The following MDGA2 variants were observed in gnomAD, a reference collection of about 807,000 sequenced individuals.
MDGA2 encodes the protein MAM domain-containing glycosylphosphatidylinositol anchor protein 2.
A neutral mutation model predicts 117.8 loss-of-function variants in MDGA2; 40 were observed. The ratio of observed to expected loss-of-function variants is 0.34; its 90% CI spans 0.26 to 0.44. The LOEUF (loss-of-function observed/expected upper bound fraction) is 0.44. MDGA2 is among the 20% of genes least tolerant of loss of function. The pLI is 1.00. For missense variants in MDGA2, 1,123 were observed against 1,250.6 expected (o/e 0.90, Z 1.54); for synonymous variants, 452 against 439.0 (o/e 1.03, Z -0.37).
chr14:47,456,130 AAGGAAAGGAGG>A (rs1444912806), intron 1 of MDGA2, among the ~76,000 whole-genome samples: 2 of 152,166 alleles, frequency 1.3e-5, no homozygotes, highest in Admixed American at 1.3e-4. Context: ...TAAGTGAAAG[AAGGAAAGGAGG>A]GAAGGACAAG....
chr14:47,211,701 G>C (rs551358303), intron 3 of MDGA2, among the ~76,000 whole-genome samples: 2 of 152,056 alleles, frequency 1.3e-5, no homozygotes, highest in Non-Finnish European at 2.9e-5. Context: ...AAGGAGTTCC[G>C]AACCCAAGCT....
rs964935547 is a variant in MDGA2 at position 46,855,627 on chromosome 14, A to G, written c.2753-473T>C. Reference sequence around the variant, plus strand: ...AAGGGCTTCTTTCCTGGAGCTTCAGAAGAAGTCAGCCCTGCTGACATCTTG... The same window carrying G: ...AAGGGCTTCTTTCCTGGAGCTTCAGGAGAAGTCAGCCCTGCTGACATCTTG... On this transcript the variant is annotated intron_variant, in intron 14 of 16. Transcript: ENST00000399232. The surrounding 1 kb of genome is among the most constrained non-coding windows in gnomAD (Gnocchi z 4.1). Among the ~76,000 whole-genome samples the G allele has an allele frequency of 2.6e-5, 4 of 152,158 alleles. No homozygotes were observed. The highest frequency in any genetic ancestry group is 4.4e-5 in the Non-Finnish European group (3 of 68,034).
intron 10 of MDGA2, among the ~76,000 whole-genome samples, chr14:46,897,916 A>G (rs1883143919): frequency 2.0e-5 from 3 of 152,130 alleles, no homozygotes; most frequent in African/African-American, 7.2e-5. Context: ...AATGATAGAT[A>G]GATCCTAATT....
At position 46,885,751 on chromosome 14, in the gene MDGA2, A is replaced by T. The variant is rs186932149; in HGVS notation, c.2239-3530T>A. On this transcript the variant is annotated intron_variant, in intron 10 of 16. Coordinates refer to ENST00000399232, the MANE Select transcript of MDGA2 (RefSeq NM_001113498.3). ...GAGAAAATGACTCATGACTCAGCAT[A>T]AATCCCAAGCTTTATTTTAGCATTG... 5.4e-3 allele frequency among the ~76,000 whole-genome samples: 817 copies of T among 152,272 alleles called. 7 individuals carry two copies. The highest frequency in any genetic ancestry group is 0.019 in the African/African-American group (780 of 41,560).
Position 47,042,344 on chromosome 14 carries a change from T to A in MDGA2, c.1526-7040A>T, listed in dbSNP as rs1328237136. 2.0e-5 allele frequency among the ~76,000 whole-genome samples: 3 copies of A among 149,774 alleles called. No homozygotes were observed. In the East Asian group the frequency reaches 5.9e-4, roughly 29 times the overall value. The stretch of plus-strand genomic sequence containing the variant: ...TTTTTTTTTTGTGTGTGTGTGTGTG[T>A]GTATGCACACGCATGCAGGTGCGTG... On this transcript the variant is annotated intron_variant, in intron 7 of 16. Coordinates refer to ENST00000399232, the MANE Select transcript of MDGA2 (RefSeq NM_001113498.3).
chr14:46,930,323 A>T (rs1026136468), intron 9 of MDGA2, among the ~76,000 whole-genome samples: 1 of 152,180 alleles, frequency 6.6e-6, no homozygotes, highest in Non-Finnish European at 1.5e-5. Flanking sequence ...ATTAAAAGAG[A>T]TTTAAGATGT....
chr14:46,984,144 A>G (rs1397695360), intron 8 of MDGA2, among the ~76,000 whole-genome samples: 4 of 151,944 alleles, frequency 2.6e-5, no homozygotes, highest in African/African-American at 9.7e-5. Context: ...CTGCATCATC[A>G]GTCTTGCTTC....
chr14:47,042,408 A>G lies in MDGA2; in HGVS notation c.1526-7104T>C, dbSNP rs555963503. ...AGATGGGTTAAAAAAATTGCTGTAG[A>G]TTTGATGAGTTTCATCTTTGGTGAT... On this transcript the variant is annotated intron_variant, in intron 7 of 16. Coordinates refer to ENST00000399232, the MANE Select transcript of MDGA2 (RefSeq NM_001113498.3). Among the ~76,000 whole-genome samples, 76 of 150,644 alleles carry G rather than the reference A, an allele frequency of 5.0e-4. No homozygotes were observed. The South Asian group carries it at 5.7e-3, about 11-fold the overall frequency.
chr14:47,569,408 C>G (rs1221956933), intron 1 of MDGA2, among the ~76,000 whole-genome samples: 1 of 152,182 alleles, frequency 6.6e-6, no homozygotes, highest in Non-Finnish European at 1.5e-5. Flanking sequence ...TGCAGTTAAT[C>G]TGGTCCAGTC....
At chr14:47,445,170 G>C (rs1167250266) in intron 1 of MDGA2, among the ~76,000 whole-genome samples, 1 of 151,962 alleles carries the variant, frequency 6.6e-6, no homozygotes, top group Non-Finnish European at 1.5e-5. Context: ...CAAGTCTCCT[G>C]GTATGCTTTC....
At chr14:47,215,251 C>T (rs554095095) in intron 3 of MDGA2, among the ~76,000 whole-genome samples, 20 of 152,044 alleles carry the variant, frequency 1.3e-4, no homozygotes, top group Non-Finnish European at 2.5e-4. Context: ...TTAACTCATT[C>T]ACTTGCTTAT....
At chr14:47,565,524 C>A (rs1358527094) in intron 1 of MDGA2, among the ~76,000 whole-genome samples, 1 of 152,166 alleles carries the variant, frequency 6.6e-6, no homozygotes, top group East Asian at 1.9e-4. Flanking sequence ...CCGAGTGAGT[C>A]CGCATTCCCA....
chr14:47,230,011 C>A (rs1050008052), intron 2 of MDGA2, among the ~76,000 whole-genome samples: 1 of 151,818 alleles, frequency 6.6e-6, no homozygotes, highest in Non-Finnish European at 1.5e-5. Context: ...AAGAGCATTT[C>A]CATCTTTCCT....
chr14:47,625,701 T>C (rs1897127733), intron 1 of MDGA2, among the ~76,000 whole-genome samples: 1 of 152,222 alleles, frequency 6.6e-6, no homozygotes, highest in Admixed American at 6.5e-5. Context: ...TGTCTAACCA[T>C]TTCCCTACGT....
intron 1 of MDGA2, among the ~76,000 whole-genome samples, chr14:47,628,601 C>A (rs1035276116): frequency 6.6e-6 from 1 of 152,188 alleles, no homozygotes; most frequent in African/African-American, 2.4e-5. Context: ...AAAGACCAAC[C>A]AAAACTCCTA....
At chr14:47,394,632 C>T (rs7159841) in intron 1 of MDGA2, among the ~76,000 whole-genome samples, 109,488 of 152,020 alleles carry the variant, frequency 0.72, 39,699 homozygotes, top group Middle Eastern at 0.82. Context: ...ATACATGCCT[C>T]TCTATATTTG....
intron 1 of MDGA2, among the ~76,000 whole-genome samples, chr14:47,492,604 ATAAGT>A (rs1289370772): frequency 6.6e-6 from 1 of 152,160 alleles, no homozygotes; most frequent in Non-Finnish European, 1.5e-5. Context: ...CATAAATCTT[ATAAGT>A]TAATTTTCAT....
chr14:46,998,984 C>G (rs2138472486), intron 8 of MDGA2, among the ~76,000 whole-genome samples: 1 of 152,086 alleles, frequency 6.6e-6, no homozygotes, highest in African/African-American at 2.4e-5. Flanking sequence ...ATCCACTGTT[C>G]ACTAAATTAC....
At chr14:47,542,077 T>G (rs1266065446) in intron 1 of MDGA2, among the ~76,000 whole-genome samples, 1 of 150,768 alleles carries the variant, frequency 6.6e-6, no homozygotes, top group East Asian at 1.9e-4. Flanking sequence ...AGAGAAAGAG[T>G]TAGGAAAAGA....
Sources: gnomAD v4.1 joint callset for allele counts (sites outside exome capture counted in the v4.1 genomes callset) on GRCh38, gnomAD v4.1.1 for gene constraint, Gnocchi (gnomAD v3.1) non-coding constraint, MANE v1.5 for transcripts, NCBI Gene and HGNC (gene_info 2026-07-23, HGNC 2026-07-21) for gene names.